Variants in AFAP1 observed in about 807,000 individuals in gnomAD.
AFAP1 encodes the protein actin filament-associated protein 1.
AFAP1 carries 75 observed loss-of-function variants against 93.9 expected under a neutral mutation model. That is an observed-to-expected ratio of 0.80 (90% CI 0.66 to 0.97). The LOEUF (loss-of-function observed/expected upper bound fraction) is 0.97. AFAP1 is among the 50% of genes least tolerant of loss of function. The pLI is 0.00. For missense variants in AFAP1, 1,201 were observed against 1,050.8 expected, an observed-to-expected ratio of 1.14 and a Z score of -1.98; for synonymous variants, 517 against 430.7, an observed-to-expected ratio of 1.20 and a Z score of -2.48.
At chr4:7,865,250 A>C (rs796542543) in intron 3 of AFAP1, among the ~76,000 whole-genome samples, 120 of 152,320 alleles carry the variant, frequency 7.9e-4, no homozygotes, top group African/African-American at 2.6e-3. Context: ...TTAGGTGTCC[A>C]GGGAAAAATT....
intron 1 of AFAP1, among the ~76,000 whole-genome samples, chr4:7,924,659 A>C (rs1217820277): frequency 5.3e-5 from 8 of 152,286 alleles, no homozygotes; most frequent in African/African-American, 1.9e-4. Context: ...TGAATATCCA[A>C]ACAGACCATG....
chr4:7,910,653 C>T (rs1719674598), intron 1 of AFAP1, among the ~76,000 whole-genome samples: 1 of 152,256 alleles, frequency 6.6e-6, no homozygotes, highest in South Asian at 2.1e-4. Context: ...CTCCCCCGTT[C>T]ACCCGTGCCA....
rs756750417 is a variant in AFAP1, at chr4:7,868,592, G to T, written c.225+30C>A. 6 of 1,596,120 alleles carry T rather than the reference G, an allele frequency of 3.8e-6. No homozygotes were observed. The African/African-American group carries it at 8.1e-5, about 21-fold the overall frequency. ...TAAGTACCCCCAGGCCTCCAGCGAT[G>T]ACCACTGAGATGGTGGGACCTTGAC... On this transcript the variant is annotated intron_variant, in intron 3 of 17. Transcript: ENST00000420658.
At chr4:7,809,392 A>G (rs938842543) in intron 9 of AFAP1, 6 of 404,844 alleles carry the variant, frequency 1.5e-5, no homozygotes, top group Admixed American at 9.2e-5. Flanking sequence ...TTTTTCCTTG[A>G]AAGAACCTTA....
intron 10 of AFAP1, chr4:7,798,811 G>T: frequency 2.2e-6 from 2 of 890,296 alleles, no homozygotes; most frequent in Non-Finnish European, 2.7e-6. Flanking sequence ...TCACCAAACA[G>T]CTCCTGACTT....
In AFAP1 at chr4:7,939,359, G is replaced by A; in HGVS notation, c.-3+297C>T. On this transcript the variant is annotated intron_variant, in intron 1 of 17. Coordinates refer to ENST00000420658, the MANE Select transcript of AFAP1 (RefSeq NM_001134647.2). This position sits in a 1 kb window ranked among gnomAD's most constrained non-coding sequence, Gnocchi z 5.6. ...CCCCCTCTGACGCACACGGGGACCAGCCACGCCGCGGGGGCACCGGGCAGG... is the reference window on the plus strand; with the variant it reads ...CCCCCTCTGACGCACACGGGGACCAACCACGCCGCGGGGGCACCGGGCAGG... 3.1e-6 allele frequency: 1 copy of A among 323,220 alleles called. No homozygotes were observed. The highest frequency in any genetic ancestry group is 6.2e-6 in the Non-Finnish European group (1 of 161,832). The allele number at this position is 323,220 out of a possible 1,614,324, so 20.0% of individuals were successfully genotyped here.
intron 11 of AFAP1, among the ~76,000 whole-genome samples, chr4:7,793,382 G>A (rs1443449912): frequency 5.3e-5 from 8 of 152,160 alleles, no homozygotes; most frequent in African/African-American, 9.7e-5. Flanking sequence ...GTTTATGTAC[G>A]GTGTCCAGCT....
At chr4:7,793,901 G>C in intron 10 of AFAP1, 75 bp from the exon 11 acceptor site, 1 of 1,381,832 alleles carries the variant, frequency 7.2e-7, no homozygotes, top group Admixed American at 2.3e-5. Flanking sequence ...TCAATAAAGA[G>C]ACCACATAAT....
intron 4 of AFAP1, among the ~76,000 whole-genome samples, chr4:7,844,628 A>G (rs1056802805): frequency 6.6e-6 from 1 of 152,218 alleles, no homozygotes; most frequent in African/African-American, 2.4e-5. Context: ...GGCACCTAAC[A>G]AAGTACCTGG....
At chr4:7,854,037 C>G (rs2149138750) in intron 4 of AFAP1, among the ~76,000 whole-genome samples, 1 of 152,324 alleles carries the variant, frequency 6.6e-6, no homozygotes, top group African/African-American at 2.4e-5. Flanking sequence ...CACTCTGTTT[C>G]CAGCCTTGAA....
intron 10 of AFAP1, 139 bp from the exon 11 acceptor site, chr4:7,793,965 T>A: frequency 1.0e-6 from 1 of 971,046 alleles, no homozygotes; most frequent in Non-Finnish European, 1.4e-6. Flanking sequence ...GGAAGATGGC[T>A]GAGCGATGGG....
intron 17 of AFAP1, among the ~76,000 whole-genome samples, chr4:7,765,308 C>A (rs766019319): frequency 2.0e-5 from 3 of 152,194 alleles, no homozygotes; most frequent in African/African-American, 7.2e-5. Flanking sequence ...CCTGATGTCA[C>A]CTGGCCAGCC....
intron 1 of AFAP1, among the ~76,000 whole-genome samples, chr4:7,937,028 T>A (rs147182383): frequency 1.3e-5 from 2 of 151,940 alleles, no homozygotes; most frequent in East Asian, 3.9e-4. Context: ...ACTTAAAAGA[T>A]CAACAAAATG....
chr4:7,939,368 C>CG lies in AFAP1; in HGVS notation c.-3+287dup. On this transcript the variant is annotated intron_variant, in intron 1 of 17. Coordinates refer to ENST00000420658, the MANE Select transcript of AFAP1 (RefSeq NM_001134647.2). The surrounding 1 kb of genome is among the most constrained non-coding windows in gnomAD (Gnocchi z 5.6). ...ACGCACACGGGGACCAGCCACGCCG[C>CG]GGGGGCACCGGGCAGGAGCCAGCGC... 2 of 321,646 alleles carry CG rather than the reference C, an allele frequency of 6.2e-6. No individual in the cohort carries two copies. Among genetic ancestry groups the CG allele is most frequent in the South Asian group, 2.3e-5 (1 of 43,796 alleles). The allele number at this position is 321,646 out of a possible 1,614,324, so 19.9% of individuals were successfully genotyped here. A position where few individuals can be genotyped will look rare whatever the true frequency, so the allele number is the denominator to read the frequency against.
chr4:7,765,510 A>C (rs1275294595), intron 17 of AFAP1, among the ~76,000 whole-genome samples: 1 of 151,970 alleles, frequency 6.6e-6, no homozygotes, highest in Non-Finnish European at 1.5e-5. Flanking sequence ...CTTCCTTTCC[A>C]TCCATTCATC....
At chr4:7,921,141 T>G (rs1720420130) in intron 1 of AFAP1, among the ~76,000 whole-genome samples, 1 of 150,596 alleles carries the variant, frequency 6.6e-6, no homozygotes, top group African/African-American at 2.4e-5. Flanking sequence ...ATCTAATCTC[T>G]CTCAGCTTCA....
chr4:7,805,364 C>T (rs756353970), intron 9 of AFAP1, among the ~76,000 whole-genome samples: 2 of 152,206 alleles, frequency 1.3e-5, no homozygotes, highest in Non-Finnish European at 2.9e-5. Context: ...ATGAAGCCTC[C>T]GACTTGCCCC....
chr4:7,919,611 C>G (rs1720321791), intron 1 of AFAP1, among the ~76,000 whole-genome samples: 1 of 151,942 alleles, frequency 6.6e-6, no homozygotes, highest in Admixed American at 6.6e-5. Flanking sequence ...ATGAAACCTG[C>G]GGATTTTTTG....
intron 1 of AFAP1, among the ~76,000 whole-genome samples, chr4:7,898,398 A>C (rs181019185): frequency 1.4e-4 from 22 of 151,960 alleles, no homozygotes; most frequent in Admixed American, 1.2e-3. Context: ...ACAAGAGTGA[A>C]ACTCCATCTC....
Sources: gnomAD v4.1 joint callset for allele counts (sites outside exome capture counted in the v4.1 genomes callset) on GRCh38, gnomAD v4.1.1 for gene constraint, Gnocchi (gnomAD v3.1) non-coding constraint, MANE v1.5 for transcripts, NCBI Gene and HGNC (gene_info 2026-07-23, HGNC 2026-07-21) for gene names.